ROCK2: variants seen among roughly 807,000 people sequenced by gnomAD.
The protein encoded by ROCK2 is Rho associated coiled-coil containing protein kinase 2.
A neutral mutation model predicts 195.1 loss-of-function variants in ROCK2; 61 were observed. The ratio of observed to expected loss-of-function variants is 0.31; its 90% confidence interval spans 0.25 to 0.39. ROCK2 has a LOEUF of 0.39. ROCK2 is among the 10% of genes least tolerant of loss of function. The pLI, the probability that ROCK2 is intolerant of heterozygous loss-of-function variation, is 1.00. For synonymous variants in ROCK2, 504 were observed against 545.5 expected (o/e 0.92, Z 1.06); for missense variants, 1,109 against 1,637.4 (o/e 0.68, Z 5.57).
In ROCK2 at chr2:11,192,858, A is replaced by C; in HGVS notation, c.3688-146T>G. On this transcript the variant is annotated intron_variant, in intron 30 of 32. Coordinates refer to ENST00000315872, the MANE Select transcript of ROCK2 (RefSeq NM_004850.5). The surrounding 1 kb of genome is among the most constrained non-coding windows in gnomAD (Gnocchi z 5.0). Reference sequence around the variant, plus strand: ...TCTGAAGTACAAACTTAAGCTCTTGATTACGCAAACTTAATCAAGAGCTTA... The same window carrying C: ...TCTGAAGTACAAACTTAAGCTCTTGCTTACGCAAACTTAATCAAGAGCTTA... 1 of 956,698 alleles carries C rather than the reference A, an allele frequency of 1.0e-6. No homozygotes were observed. The allele number at this position is 956,698 out of a possible 1,614,324, so 59.3% of individuals were successfully genotyped here.
rs187941983 is a variant in ROCK2, at chr2:11,295,195, C to G, written c.142-7459G>C. Among the ~76,000 whole-genome samples the G allele has an allele frequency of 1.8e-3, 269 of 151,930 alleles. 2 individuals carry two copies. The highest frequency in any genetic ancestry group is 6.3e-3 in the African/African-American group (260 of 41,470). ...TACATACAATGTTACCTGAAACTCC[C>G]TATAAAACAGAAAACAGGCAATTTA... On this transcript the variant is annotated intron_variant, in intron 1 of 32. Coordinates refer to ENST00000315872, the MANE Select transcript of ROCK2 (RefSeq NM_004850.5).
At chr2:11,295,966 A>AAGAGAGAGAGAAAG (rs1667500456) in intron 1 of ROCK2, among the ~76,000 whole-genome samples, 2 of 77,718 alleles carry the variant, frequency 2.6e-5, no homozygotes, top group African/African-American at 8.8e-5. Flanking sequence ...CAAAAAACAA[A>AAGAGAGAGAGAAAG]AGAGAGAGAG....
At chr2:11,313,679 T>C (rs1261945691) in intron 1 of ROCK2, among the ~76,000 whole-genome samples, 1 of 151,984 alleles carries the variant, frequency 6.6e-6, no homozygotes, top group Non-Finnish European at 1.5e-5. Flanking sequence ...TTTCAGTAAA[T>C]AAAAACTACA....
intron 27 of ROCK2, 107 bp from the exon 28 acceptor site, chr2:11,195,132 C>A: frequency 3.5e-6 from 2 of 578,598 alleles, no homozygotes; most frequent in South Asian, 3.1e-5. Flanking sequence ...AAAATATATC[C>A]TTTAGAATTT....
Position 11,344,463 on chromosome 2 carries a change from G to A in ROCK2, c.-327C>T, listed in dbSNP as rs1186727986. ...GGAGTCCTCGGGCGGGAGCAGGGAA[G>A]TGGCGCCGCCACCGCCGCGGCCCGG... On this transcript the variant is annotated 5_prime_UTR_variant, in exon 1 of 33. Coordinates refer to ENST00000315872, the MANE Select transcript of ROCK2 (RefSeq NM_004850.5). The surrounding 1 kb of genome is among the most constrained non-coding windows in gnomAD (Gnocchi z 5.4). 5 of 1,010,292 alleles carry A rather than the reference G, an allele frequency of 4.9e-6. No homozygotes were observed. Among genetic ancestry groups the A allele is most frequent in the African/African-American group, 1.7e-5 (1 of 58,262 alleles). The allele number at this position is 1,010,292 out of a possible 1,614,324, so 62.6% of individuals were successfully genotyped here. A position where few individuals can be genotyped will look rare whatever the true frequency, so the allele number is the denominator to read the frequency against.
intron 1 of ROCK2, among the ~76,000 whole-genome samples, chr2:11,341,242 T>C (rs776293463): frequency 2.0e-5 from 3 of 152,204 alleles, no homozygotes; most frequent in Non-Finnish European, 2.9e-5. Context: ...TACACTGATT[T>C]AGTCTTGGAA....
At chr2:11,303,290 A>T (rs1039250075) in intron 1 of ROCK2, among the ~76,000 whole-genome samples, 1 of 152,118 alleles carries the variant, frequency 6.6e-6, no homozygotes, top group African/African-American at 2.4e-5. Context: ...AGCTTATCTC[A>T]CATCTATTAG....
intron 1 of ROCK2, among the ~76,000 whole-genome samples, chr2:11,292,557 A>G (rs1240956721): frequency 6.6e-6 from 1 of 152,204 alleles, no homozygotes; most frequent in African/African-American, 2.4e-5. Context: ...AATTAGTAAA[A>G]TTATTCCTCT....
At chr2:11,321,439 T>C (rs1668396828) in intron 1 of ROCK2, among the ~76,000 whole-genome samples, 1 of 151,296 alleles carries the variant, frequency 6.6e-6, no homozygotes, top group Non-Finnish European at 1.5e-5. Flanking sequence ...GCCTCCCAAG[T>C]GCTGGGATTA....
intron 1 of ROCK2, among the ~76,000 whole-genome samples, chr2:11,335,970 G>T (rs1271418878): frequency 2.0e-5 from 3 of 152,008 alleles, no homozygotes; most frequent in Non-Finnish European, 4.4e-5. Context: ...TATTTAAAAA[G>T]ATAAAGCACA....
At chr2:11,283,313 C>G (rs971585585) in intron 3 of ROCK2, among the ~76,000 whole-genome samples, 1 of 149,372 alleles carries the variant, frequency 6.7e-6, no homozygotes, top group African/African-American at 2.5e-5. Flanking sequence ...GTAATCCCAG[C>G]ACTTTGGGAG....
chr2:11,207,622 TG>T, intron 20 of ROCK2, 103 bp downstream of exon 20: 1 of 792,702 alleles, frequency 1.3e-6, no homozygotes, highest in Non-Finnish European at 1.9e-6. Context: ...ATAGAAAACA[TG>T]GTCTAGAAAG....
intron 3 of ROCK2, among the ~76,000 whole-genome samples, chr2:11,270,562 T>C (rs1666591093): frequency 6.6e-6 from 1 of 152,238 alleles, no homozygotes; most frequent in Non-Finnish European, 1.5e-5. Flanking sequence ...CTCTACATGC[T>C]TTCAGTTTTG....
At chr2:11,225,810 C>T (rs1373979964) in intron 6 of ROCK2, among the ~76,000 whole-genome samples, 1 of 152,118 alleles carries the variant, frequency 6.6e-6, no homozygotes, top group Admixed American at 6.5e-5. Flanking sequence ...TACATGGGAC[C>T]ATATGATGCG....
At chr2:11,311,880 TGAA>T (rs773835760) in intron 1 of ROCK2, among the ~76,000 whole-genome samples, 1 of 152,198 alleles carries the variant, frequency 6.6e-6, no homozygotes, top group Non-Finnish European at 1.5e-5. Flanking sequence ...ACAGAGAACT[TGAA>T]GAATATCCAG....
intron 3 of ROCK2, among the ~76,000 whole-genome samples, chr2:11,267,701 C>CT (rs34065184): frequency 0.073 from 9,504 of 130,374 alleles, 544 homozygotes; most frequent in African/African-American, 0.14. Context: ...ATCAATACGC[C>CT]TTTTTTTTTT....
intron 32 of ROCK2, among the ~76,000 whole-genome samples, chr2:11,190,502 T>C (rs963130961): frequency 6.6e-6 from 1 of 152,140 alleles, no homozygotes; most frequent in Non-Finnish European, 1.5e-5. Context: ...ACTGGGAGCG[T>C]GCCTCATAAA....
chr2:11,233,510 C>T (rs917904863), intron 5 of ROCK2, among the ~76,000 whole-genome samples: 1 of 151,978 alleles, frequency 6.6e-6, no homozygotes, highest in Admixed American at 6.5e-5. Flanking sequence ...TTTAGAGAAC[C>T]CCCTGTAAGC....
chr2:11,310,235 C>T (rs1205296454), intron 1 of ROCK2, among the ~76,000 whole-genome samples: 2 of 152,168 alleles, frequency 1.3e-5, no homozygotes, highest in African/African-American at 2.4e-5. Context: ...AGCTTGACTG[C>T]ATTTGTGTCA....
Sources: gnomAD v4.1 joint callset for allele counts (sites outside exome capture counted in the v4.1 genomes callset) on GRCh38, gnomAD v4.1.1 for gene constraint, Gnocchi (gnomAD v3.1) non-coding constraint, MANE v1.5 for transcripts, NCBI Gene and HGNC (gene_info 2026-07-23, HGNC 2026-07-21) for gene names.